SCRG1: variants seen among roughly 807,000 people sequenced by gnomAD.
SCRG1 encodes the protein scrapie-responsive protein 1.
In SCRG1, 3 loss-of-function variants were observed where a neutral mutation model predicts 7.7. The observed-to-expected ratio is 0.39, with a 90% CI of 0.18 to 1.01. SCRG1 has a LOEUF of 1.01. Ranked by LOEUF, SCRG1 falls within the 50% of genes least tolerant of loss-of-function variation. The pLI, the probability that SCRG1 is intolerant of heterozygous loss-of-function variation, is 0.36. For synonymous variants in SCRG1, 46 were observed against 41.2 expected (o/e 1.12, Z -0.44); for missense variants, 110 against 117.2 (o/e 0.94, Z 0.28).
At chr4:173,446,060 A>G in the SCRG1 span, among the ~76,000 whole-genome samples, 33 of 151,910 alleles carry the variant, frequency 2.2e-4, no homozygotes, top group Non-Finnish European at 4.4e-4. Context: ...ACTTCCAGGT[A>G]TATTTATTTG....
the SCRG1 span, among the ~76,000 whole-genome samples, chr4:173,466,013 G>A: frequency 2.0e-5 from 3 of 152,000 alleles, no homozygotes; most frequent in Admixed American, 6.6e-5. Context: ...AGCAATAAAG[G>A]ATACTTGGCA....
At chr4:173,469,035 G>A in the SCRG1 span, 1 of 152,162 alleles carries the variant, frequency 6.6e-6, no homozygotes, top group Non-Finnish European at 1.5e-5. Context: ...AGTGATCCAA[G>A]TAACTTAAGG....
the SCRG1 span, among the ~76,000 whole-genome samples, chr4:173,453,446 A>T: frequency 7.4e-4 from 112 of 152,332 alleles, 1 homozygote; most frequent in South Asian, 0.023. Context: ...TTGTGCGAAC[A>T]TCATAGAATG....
the SCRG1 span, among the ~76,000 whole-genome samples, chr4:173,506,037 G>A: frequency 6.6e-6 from 1 of 152,220 alleles, no homozygotes; most frequent in African/African-American, 2.4e-5. The surrounding 1 kb of genome is among the most constrained non-coding windows in gnomAD (Gnocchi z 5.3). Context: ...GCTGAAGGGG[G>A]AGCTCTGGGC....
chr4:173,484,503 TTATATATTATATACATATAA>T, the SCRG1 span, among the ~76,000 whole-genome samples: 26 of 39,800 alleles, frequency 6.5e-4, no homozygotes, highest in African/African-American at 2.1e-3. Flanking sequence ...ATAATATATA[TTATATATTATATACATATAA>T]TATATATTAT....
the SCRG1 span, among the ~76,000 whole-genome samples, chr4:173,449,435 CTTT>C: frequency 0.015 from 1,718 of 115,888 alleles, 14 homozygotes; most frequent in Non-Finnish European, 0.021. Flanking sequence ...CATGATAAAT[CTTT>C]TTTTTTTTTT....
the SCRG1 span, among the ~76,000 whole-genome samples, chr4:173,504,444 A>T: frequency 1.3e-5 from 2 of 152,198 alleles, no homozygotes; most frequent in Admixed American, 1.3e-4. This position sits in a 1 kb window ranked among gnomAD's most constrained non-coding sequence, Gnocchi z 4.7. Context: ...AGAACCAGAC[A>T]GGAGACTAGA....
chr4:173,422,453 G>T, the SCRG1 span, among the ~76,000 whole-genome samples: 140,995 of 152,210 alleles, frequency 0.93, 66,234 homozygotes, highest in Non-Finnish European at 1. Context: ...TATATTCAGG[G>T]TCATGTATTT....
At chr4:173,508,874 ATTT>A in the SCRG1 span, among the ~76,000 whole-genome samples, 1 of 152,004 alleles carries the variant, frequency 6.6e-6, no homozygotes, top group African/African-American at 2.4e-5. The surrounding 1 kb of genome is among the most constrained non-coding windows in gnomAD (Gnocchi z 4.4). Context: ...GTGCCGCTAC[ATTT>A]GTTGGGCGGC....
the SCRG1 span, among the ~76,000 whole-genome samples, chr4:173,434,878 C>T: frequency 5.0e-4 from 76 of 152,054 alleles, no homozygotes; most frequent in Admixed American, 8.5e-4. Flanking sequence ...GTCTCAGGTT[C>T]GTAAATATTA....
chr4:173,509,688 C>A, the SCRG1 span, among the ~76,000 whole-genome samples: 7 of 152,038 alleles, frequency 4.6e-5, no homozygotes, highest in African/African-American at 1.7e-4. The surrounding 1 kb of genome is among the most constrained non-coding windows in gnomAD (Gnocchi z 5.7). Flanking sequence ...AGCGCGGACT[C>A]GGGGTGTCGG....
the SCRG1 span, among the ~76,000 whole-genome samples, chr4:173,485,102 T>TATATAA: frequency 1.1e-3 from 15 of 13,574 alleles, no homozygotes; most frequent in South Asian, 2.6e-3. Flanking sequence ...ATATTATATA[T>TATATAA]TATATATTAT....
At chr4:173,490,367 A>G in the SCRG1 span, among the ~76,000 whole-genome samples, 2 of 152,154 alleles carry the variant, frequency 1.3e-5, no homozygotes, top group African/African-American at 4.8e-5. Flanking sequence ...AATTTCTCAC[A>G]CATTTTTGGT....
chr4:173,405,052 A>G (rs1739865407), intron 1 of SCRG1, among the ~76,000 whole-genome samples: 1 of 152,102 alleles, frequency 6.6e-6, no homozygotes, highest in African/African-American at 2.4e-5. Flanking sequence ...TAAAGTTCAT[A>G]CTTTATTTAT....
At chr4:173,512,564 G>A in the SCRG1 span, among the ~76,000 whole-genome samples, 1 of 152,232 alleles carries the variant, frequency 6.6e-6, no homozygotes, top group African/African-American at 2.4e-5. Flanking sequence ...ACAAGGATAA[G>A]GGAAGGAGCA....
At chr4:173,518,713 G>A in the SCRG1 span, among the ~76,000 whole-genome samples, 1 of 152,036 alleles carries the variant, frequency 6.6e-6, no homozygotes, top group African/African-American at 2.4e-5. Flanking sequence ...CCCCTTTTTG[G>A]TCTCCACTTT....
At chr4:173,399,247 T>C (rs1001848988), upstream of SCRG1, 3 of 152,068 alleles carry the variant, frequency 2.0e-5, no homozygotes, top group South Asian at 6.2e-4. Context: ...GCCAGGACTG[T>C]GGGGAGGAGG....
upstream of SCRG1, among the ~76,000 whole-genome samples, chr4:173,407,497 T>C (rs1309445547): frequency 6.6e-6 from 1 of 152,176 alleles, no homozygotes; most frequent in Non-Finnish European, 1.5e-5. Flanking sequence ...ATAGCGCCAC[T>C]GTACTCCAGC....
chr4:173,484,141 A>ACAATAT, the SCRG1 span, among the ~76,000 whole-genome samples: 1 of 42,680 alleles, frequency 2.3e-5, no homozygotes, highest in South Asian at 6.7e-4. Flanking sequence ...TATATAATAT[A>ACAATAT]GAATATAGAA....
Sources: gnomAD v4.1 joint callset for allele counts (sites outside exome capture counted in the v4.1 genomes callset) on GRCh38, gnomAD v4.1.1 for gene constraint, Gnocchi (gnomAD v3.1) non-coding constraint, MANE v1.5 for transcripts, NCBI Gene and HGNC (gene_info 2026-07-23, HGNC 2026-07-21) for gene names.